EYA2: variants seen among roughly 807,000 people sequenced by gnomAD.
The protein encoded by EYA2 is protein phosphatase EYA2.
A neutral mutation model predicts 69.2 loss-of-function variants in EYA2; 31 were observed. The observed-to-expected ratio is 0.45, with a 90% CI of 0.34 to 0.60. The LOEUF (loss-of-function observed/expected upper bound fraction) is 0.60. EYA2 is among the 20% of genes least tolerant of loss of function. EYA2 has a pLI of 0.02. For synonymous variants in EYA2, 257 were observed against 279.4 expected (o/e 0.92, Z 0.80); for missense variants, 622 against 701.2 (o/e 0.89, Z 1.28).
intron 9 of EYA2, among the ~76,000 whole-genome samples, chr20:47,124,984 T>C (rs2033142462): frequency 6.6e-6 from 1 of 152,074 alleles, no homozygotes; most frequent in Non-Finnish European, 1.5e-5. Context: ...TTTCATCATT[T>C]GTCATGAGTT....
intron 13 of EYA2, 111 bp downstream of exon 13, chr20:47,180,023 G>C: frequency 1.4e-6 from 1 of 723,502 alleles, no homozygotes; most frequent in Non-Finnish European, 2.3e-6. Flanking sequence ...ACTCTCACTT[G>C]TACACTTTCC....
intron 5 of EYA2, among the ~76,000 whole-genome samples, chr20:47,070,541 A>G (rs2031276547): frequency 6.6e-6 from 1 of 152,216 alleles, no homozygotes; most frequent in African/African-American, 2.4e-5. Context: ...ACTCTTAGGG[A>G]TTTACCCAAG....
rs113021703 is a variant in EYA2, at chr20:47,016,073, G to A, written c.299-108G>A. On this transcript the variant is annotated intron_variant, in intron 4 of 15. Coordinates refer to ENST00000327619, the MANE Select transcript of EYA2 (RefSeq NM_005244.5). ...CCAGTTTGCAACTCCTCATTTGGAA[G>A]CTGATAAAATTGCATGCTGTCTTGA... is the stretch of plus-strand genomic sequence containing the variant. The A allele has an allele frequency of 4.1e-5, 33 of 807,494 alleles. 1 individual carries two copies. The highest frequency in any genetic ancestry group is 3.3e-4 in the African/African-American group (20 of 59,718). 50.0% of individuals were successfully genotyped at this position (807,494 alleles called of 1,614,324 possible).
chr20:46,908,802 C>G (rs1984490422), intron 1 of EYA2, among the ~76,000 whole-genome samples: 1 of 150,962 alleles, frequency 6.6e-6, no homozygotes, highest in African/African-American at 2.4e-5. Flanking sequence ...TACGATCCCT[C>G]TCCCAAACAT....
intron 1 of EYA2, among the ~76,000 whole-genome samples, chr20:46,954,931 G>A (rs960838738): frequency 6.6e-6 from 1 of 152,148 alleles, no homozygotes; most frequent in African/African-American, 2.4e-5. Context: ...CTTGATTTTG[G>A]GAGTAGGGAA....
chr20:47,084,537 AAAAAATAAAGAAAT>A lies in EYA2; in HGVS notation c.662-4687_662-4674del, dbSNP rs576189254. Among the ~76,000 whole-genome samples the A allele has an allele frequency of 1.6e-4, 24 of 152,322 alleles. No individual in the cohort carries two copies. In the East Asian group the frequency reaches 4.1e-3, roughly 26 times the overall value. ...GCCTGACAGAGTGAGACCCTGTCTC[AAAAAATAAAGAAAT>A]AAAAATAAAGAAATGGGCAAAATAT... is the stretch of plus-strand genomic sequence containing the variant. On this transcript the variant is annotated intron_variant, in intron 7 of 15. Coordinates refer to ENST00000327619, the MANE Select transcript of EYA2 (RefSeq NM_005244.5).
intron 1 of EYA2, among the ~76,000 whole-genome samples, chr20:46,903,641 C>G (rs1240977995): frequency 6.6e-6 from 1 of 152,116 alleles, no homozygotes; most frequent in African/African-American, 2.4e-5. Flanking sequence ...GTTTCTTCGT[C>G]TGTAAAGCAG....
chr20:46,934,293 G>A (rs60070555), intron 1 of EYA2, among the ~76,000 whole-genome samples: 315 of 152,046 alleles, frequency 2.1e-3, no homozygotes, highest in African/African-American at 6.9e-3. Context: ...CTCTCACCCC[G>A]TCCCCACTCA....
rs971158474 is a variant in EYA2, at chr20:47,117,381, G to A, written c.888+20213G>A. On this transcript the variant is annotated intron_variant, in intron 9 of 15. Transcript: ENST00000327619. Reference sequence around the variant, plus strand: ...CATCTGTGAGGTGAGATGGAGCCCCGAATTCACCTGGTGTTGGCTTTTCTT... The same window carrying A: ...CATCTGTGAGGTGAGATGGAGCCCCAAATTCACCTGGTGTTGGCTTTTCTT... 9 of 985,278 alleles carry A rather than the reference G, an allele frequency of 9.1e-6. No homozygotes were observed. The East Asian group carries it at 3.4e-4, about 37-fold the overall frequency. 61.0% of individuals were successfully genotyped at this position (985,278 alleles called of 1,614,324 possible). A position where few individuals can be genotyped will look rare whatever the true frequency, so the allele number is the denominator to read the frequency against.
chr20:47,066,944 A>T (rs1354257582), intron 5 of EYA2, among the ~76,000 whole-genome samples: 1 of 152,114 alleles, frequency 6.6e-6, no homozygotes, highest in Non-Finnish European at 1.5e-5. Context: ...CAGAGACCAC[A>T]ACTTGTGGCA....
chr20:46,972,406 G>A (rs1980196748), intron 1 of EYA2, among the ~76,000 whole-genome samples: 1 of 152,198 alleles, frequency 6.6e-6, no homozygotes, highest in Non-Finnish European at 1.5e-5. Context: ...TAGGAAACAT[G>A]GAATGTGGAA....
At chr20:47,163,389 C>T (rs952013847) in intron 10 of EYA2, among the ~76,000 whole-genome samples, 1 of 152,068 alleles carries the variant, frequency 6.6e-6, no homozygotes, top group Admixed American at 6.6e-5. Context: ...GAACCATTTC[C>T]ATGTGCTAGC....
chr20:47,040,014 T>C (rs1984959197), intron 5 of EYA2, among the ~76,000 whole-genome samples: 1 of 151,814 alleles, frequency 6.6e-6, no homozygotes, highest in Non-Finnish European at 1.5e-5. Context: ...CTAATTTTTG[T>C]GTTTTTAGTA....
intron 4 of EYA2, among the ~76,000 whole-genome samples, chr20:47,013,290 T>G (rs1983191157): frequency 6.6e-6 from 1 of 152,178 alleles, no homozygotes; most frequent in African/African-American, 2.4e-5. Context: ...CGGGGCTGAC[T>G]TAGGTCATAG....
intron 1 of EYA2, among the ~76,000 whole-genome samples, chr20:46,943,276 A>G (rs1370496882): frequency 1.3e-5 from 2 of 152,158 alleles, no homozygotes; most frequent in East Asian, 1.9e-4. Context: ...ACTCACCAAC[A>G]ACAAAGGACC....
chr20:46,908,869 A>ATTTTT (rs1984498263), intron 1 of EYA2, among the ~76,000 whole-genome samples: 1 of 62,924 alleles, frequency 1.6e-5, no homozygotes, highest in African/African-American at 7.3e-5. Context: ...TCTCTCCCGC[A>ATTTTT]CTTTTTTTTT....
intron 15 of EYA2, among the ~76,000 whole-genome samples, chr20:47,185,651 C>T (rs913993630): frequency 6.6e-6 from 1 of 152,034 alleles, no homozygotes; most frequent in African/African-American, 2.4e-5. Flanking sequence ...CAACCAGAAT[C>T]TATCTTTGCA....
chr20:47,174,081 T>C (rs3787239), intron 12 of EYA2, among the ~76,000 whole-genome samples: 87,050 of 152,066 alleles, frequency 0.57, 26,826 homozygotes, highest in African/African-American at 0.82. Context: ...TGCGCCCTCC[T>C]CAGGAGACAT....
intron 15 of EYA2, among the ~76,000 whole-genome samples, chr20:47,187,388 A>G (rs548723487): frequency 3.3e-5 from 5 of 152,176 alleles, no homozygotes; most frequent in African/African-American, 1.2e-4. Context: ...CCACATCATG[A>G]CAATAACTTG....
Sources: allele counts gnomAD v4.1 joint callset (sites outside exome capture counted in the v4.1 genomes callset), GRCh38; gene constraint gnomAD v4.1.1; transcripts MANE v1.5; gene names NCBI Gene and HGNC (gene_info 2026-07-23, HGNC 2026-07-21).